CROCC: variants seen among roughly 807,000 people sequenced by gnomAD.
The protein encoded by CROCC is rootletin.
A neutral mutation model predicts 245.2 loss-of-function variants in CROCC; 180 were observed. The ratio of observed to expected loss-of-function variants is 0.73; its 90% CI spans 0.65 to 0.83. The LOEUF (loss-of-function observed/expected upper bound fraction) is 0.83. CROCC is among the 40% of genes least tolerant of loss of function. The pLI, the probability that CROCC is intolerant of heterozygous loss-of-function variation, is 0.00. For missense variants in CROCC, 2,688 were observed against 2,779.4 expected (o/e 0.97, Z 0.74); for synonymous variants, 1,205 against 1,241.6 (o/e 0.97, Z 0.62).
chr1:16,964,671 C>T (rs2076391078), intron 27 of CROCC, among the ~76,000 whole-genome samples: 1 of 152,082 alleles, frequency 6.6e-6, no homozygotes, highest in South Asian at 2.1e-4. Flanking sequence ...GTGTGAGCCA[C>T]TGCTCCCAGT....
At chr1:16,943,989 G>T (rs1237134778) in intron 13 of CROCC, 111 bp from the exon 14 acceptor site, 37 of 1,162,260 alleles carry the variant, frequency 3.2e-5, no homozygotes, top group Non-Finnish European at 4.3e-5. Context: ...CTGGAGGCAG[G>T]TGCCTTGGAA....
At chr1:16,914,486 C>T (rs2075282979) in intron 1 of CROCC, among the ~76,000 whole-genome samples, 1 of 152,278 alleles carries the variant, frequency 6.6e-6, no homozygotes, top group Admixed American at 6.5e-5. Flanking sequence ...CAGATGCCCT[C>T]TGCAGCTCCT....
In CROCC at chr1:16,926,888, T is replaced by C. The variant is rs532728964; in HGVS notation, c.351+2409T>C. Among the ~76,000 whole-genome samples the C allele has an allele frequency of 1.8e-4, 28 of 152,380 alleles. No individual in the cohort carries two copies. The East Asian group carries it at 5.4e-3, about 29-fold the overall frequency. The stretch of plus-strand genomic sequence containing the variant: ...GGCTTAGTGGCAGCCTCCTTCCCTT[T>C]TGAATTGCAAGTAAAATTGAAAGGC... On this transcript the variant is annotated intron_variant, in intron 3 of 36. Transcript: ENST00000375541.
chr1:16,939,482 C>G (rs1021449553), intron 12 of CROCC, among the ~76,000 whole-genome samples: 4 of 152,222 alleles, frequency 2.6e-5, no homozygotes, highest in African/African-American at 9.6e-5. Context: ...GAGCCAGGAC[C>G]CTGGGAAAAG....
At chr1:16,958,215 G>T (rs1052906676) in intron 25 of CROCC, among the ~76,000 whole-genome samples, 3 of 152,204 alleles carry the variant, frequency 2.0e-5, no homozygotes, top group Non-Finnish European at 4.4e-5. Flanking sequence ...GCTTAGAACA[G>T]GACTGGACAC....
At chr1:16,936,517 C>T (rs1320297979) in intron 8 of CROCC, 120 bp from the exon 9 acceptor site, 1 of 1,041,378 alleles carries the variant, frequency 9.6e-7, no homozygotes, top group Non-Finnish European at 1.4e-6. Flanking sequence ...GATCTGCCCG[C>T]CTTGGCCTCC....
chr1:16,932,474 C>T (rs1298194813), intron 8 of CROCC, among the ~76,000 whole-genome samples: 2 of 151,990 alleles, frequency 1.3e-5, no homozygotes, highest in East Asian at 1.9e-4. Context: ...ACTGAGGAAG[C>T]GAGTGGTCAG....
Position 16,924,374 on chromosome 1 carries a change from G to A in CROCC, c.246G>A (p.Glu82=). 3.7e-6 allele frequency: 6 copies of A among 1,613,282 alleles called. No homozygotes were observed. Among genetic ancestry groups the A allele is most frequent in the Non-Finnish European group, 5.1e-6 (6 of 1,179,848 alleles). ...EMASLLSLQE[E]NQLLQQELSR... ...CATCGCTGCTGTCGCTGCAGGAGGA[G>A]AACCAGCTGCTGCAGCAGGAGCTGT... The change falls in exon 3 of 37, where the codon GAG becomes GAA. Residue 82 remains glutamate (E), a synonymous_variant. Transcript: ENST00000375541.
At chr1:16,957,455 T>A (rs1232397073) in intron 25 of CROCC, among the ~76,000 whole-genome samples, 1 of 152,182 alleles carries the variant, frequency 6.6e-6, no homozygotes, top group Non-Finnish European at 1.5e-5. Flanking sequence ...ATTTATTTAC[T>A]TTCTGAGATG....
intron 2 of CROCC, 69 bp downstream of exon 2, chr1:16,922,867 G>A: frequency 2.6e-6 from 4 of 1,557,358 alleles, no homozygotes; most frequent in Non-Finnish European, 3.5e-6. Context: ...TCCCTTTCCT[G>A]AGCAGTCACC....
chr1:16,960,726 T>C, intron 26 of CROCC, 32 bp from the exon 27 acceptor site: 1 of 1,472,304 alleles, frequency 6.8e-7, no homozygotes, highest in Non-Finnish European at 9.0e-7. Flanking sequence ...GGGAGAGGTC[T>C]TGCCGACCTC....
intron 32 of CROCC, 92 bp from the exon 33 acceptor site, chr1:16,969,693 T>C (rs1269874555): frequency 2.0e-6 from 3 of 1,504,856 alleles, no homozygotes; most frequent in Non-Finnish European, 2.7e-6. Context: ...ACTGCCTGTT[T>C]TATGCTCTGT....
chr1:16,933,856 G>A (rs2075732976), intron 8 of CROCC, among the ~76,000 whole-genome samples: 1 of 152,282 alleles, frequency 6.6e-6, no homozygotes, highest in African/African-American at 2.4e-5. Flanking sequence ...ACTGTGCCCG[G>A]CCCCTGCTTT....
At chr1:16,963,206 T>C (rs113260652) in intron 27 of CROCC, among the ~76,000 whole-genome samples, 77 of 139,560 alleles carry the variant, frequency 5.5e-4, no homozygotes, top group African/African-American at 1.9e-3. Flanking sequence ...AAAAAAAAAA[T>C]TGGGCAAAGC....
rs186685086 is a variant in CROCC, at chr1:16,969,366, G to T, written c.5301+26G>T. ...GTCTCGGGCCCAGGGTCTGGCTGGG[G>T]TGGGCCCAGTGAGAGAGTCAGCCAG... On this transcript the variant is annotated intron_variant, in intron 32 of 36. Coordinates refer to ENST00000375541, the MANE Select transcript of CROCC (RefSeq NM_014675.5). The T allele has an allele frequency of 3.1e-6, 5 of 1,589,840 alleles. No individual in the cohort carries two copies. The African/African-American group carries it at 5.4e-5, about 17-fold the overall frequency.
Position 16,929,939 on chromosome 1 carries a change from CAGG to C in CROCC, c.451_453del (p.Glu151del), listed in dbSNP as rs760799047. ...GAGCGTGGAGTTGCGGAGGCAGCTGCAGGAGGAGCAGGCCTCCTACCGGCGCAA... is the reference window on the plus strand; with the variant it reads ...GAGCGTGGAGTTGCGGAGGCAGCTGCAGGAGCAGGCCTCCTACCGGCGCAA... On this transcript the variant is annotated inframe_deletion, in exon 4 of 37. Transcript: ENST00000375541. The C allele has an allele frequency of 5.7e-6, 9 of 1,586,450 alleles. No homozygotes were observed. The highest frequency in any genetic ancestry group is 1.3e-5 in the African/African-American group (1 of 74,748).
At chr1:16,929,727 C>T (rs538185882) in intron 3 of CROCC, 119 bp from the exon 4 acceptor site, 3,315 of 1,423,516 alleles carry the variant, frequency 2.3e-3, no homozygotes, top group Non-Finnish European at 2.8e-3. Flanking sequence ...CTCCCCAGGG[C>T]GCCAGGCTAT....
At chr1:16,950,688 A>G (rs1203098860) in intron 19 of CROCC, among the ~76,000 whole-genome samples, 1 of 152,220 alleles carries the variant, frequency 6.6e-6, no homozygotes, top group African/African-American at 2.4e-5. Flanking sequence ...CATCCGTCCC[A>G]TTTGGGAGGC....
intron 10 of CROCC, 24 bp downstream of exon 10, chr1:16,937,761 T>TG: frequency 6.4e-7 from 1 of 1,568,910 alleles, no homozygotes; most frequent in Non-Finnish European, 8.7e-7. Flanking sequence ...GCCCCTGAGA[T>TG]GGGGCAGGGT....
Sources: allele counts gnomAD v4.1 joint callset (sites outside exome capture counted in the v4.1 genomes callset), GRCh38; gene constraint gnomAD v4.1.1; transcripts MANE v1.5; gene names NCBI Gene and HGNC (gene_info 2026-07-23, HGNC 2026-07-21).